ABCG5: variants seen among roughly 807,000 people sequenced by gnomAD.
ABCG5 encodes the protein ATP binding cassette subfamily G member 5, also known as ATP-binding cassette sub-family G member 5.
Under a neutral mutation model 64.5 loss-of-function variants are expected in ABCG5, and 64 were observed. That is an observed-to-expected ratio of 0.99 (90% CI 0.81 to 1.22). The LOEUF is 1.22. Ranked by LOEUF, ABCG5 falls within the 50% of genes most tolerant of loss-of-function variation. The pLI is 0.00. For missense variants in ABCG5, 908 were observed against 829.5 expected (o/e 1.09, Z -1.16); for synonymous variants, 385 against 326.3 (o/e 1.18, Z -1.94).
At chr2:43,833,439 G>A (rs1415311896) in intron 2 of ABCG5, among the ~76,000 whole-genome samples, 1 of 151,444 alleles carries the variant, frequency 6.6e-6, no homozygotes, top group Non-Finnish European at 1.5e-5. Context: ...CTGGAGTGCA[G>A]TGGCGCAGTC....
downstream of ABCG5, chr2:43,809,890 C>G: frequency 7.0e-7 from 1 of 1,433,506 alleles, no homozygotes; most frequent in South Asian, 1.6e-5. Context: ...AAAGGACAAG[C>G]TGGATTTCTT....
chr2:43,813,781 G>A (rs996333135), intron 12 of ABCG5, among the ~76,000 whole-genome samples: 4 of 129,680 alleles, frequency 3.1e-5, no homozygotes, highest in African/African-American at 5.9e-5. Flanking sequence ...GCAGTGGCTC[G>A]ATCTGGGCTC....
chr2:43,810,257 C>G (rs116520905), downstream of ABCG5: 33,723 of 668,296 alleles, frequency 0.05, 944 homozygotes, highest in Non-Finnish European at 0.057. Context: ...GATGCACATT[C>G]CCAGGTCCCC....
At chr2:43,820,130 C>G (rs745414803) in intron 10 of ABCG5, 30 bp from the exon 11 acceptor site, 1 of 1,603,404 alleles carries the variant, frequency 6.2e-7, no homozygotes, top group South Asian at 1.1e-5. Context: ...TTAGTTTCCT[C>G]TCCAAGGGCT....
chr2:43,824,409 G>A lies in ABCG5; in HGVS notation c.928C>T (p.Gln310Ter). The A allele has an allele frequency of 6.2e-7, 1 of 1,613,978 alleles. No individual in the cohort carries two copies. Residue 310 changes from glutamine to a stop codon, truncating the protein, a stop_gained, in exon 8 of 13, where the codon CAA (glutamine) becomes TAA (stop). Transcript: ENST00000405322. LOFTEE classifies it high-confidence loss of function. ...FYMDLTSVDT[Q>*]SKEREIETSK... ...GTTTCTATTTCCCGTTCCTTGCTTT[G>A]GGTATCCACTGACGTCAGGTCCACT...
chr2:43,817,472 G>A (rs1182732401), intron 11 of ABCG5, among the ~76,000 whole-genome samples: 1 of 151,810 alleles, frequency 6.6e-6, no homozygotes. Flanking sequence ...GTGACAGAGT[G>A]AGTGAGACTC....
At chr2:43,837,346 C>G (rs1035249081) in intron 2 of ABCG5, among the ~76,000 whole-genome samples, 1 of 152,070 alleles carries the variant, frequency 6.6e-6, no homozygotes, top group African/African-American at 2.4e-5. Context: ...CTCTCGAACT[C>G]CTGGGCTCAA....
rs886056030 is a variant in ABCG5 at position 43,828,047 on chromosome 2, C to T, written c.570G>A (p.Leu190=). ...GCCGCTCACCCGTGGAAATGCCCCC[C>T]AAGCTGTAGTTGCCAATCAGTCGGT... ...VADRLIGNYS[L]GGISTGERRR... is the part of the protein sequence containing the mutation. The change falls in exon 5 of 13, where the codon TTG becomes TTA. Residue 190 remains leucine (L), a synonymous_variant. Coordinates refer to ENST00000405322, the MANE Select transcript of ABCG5 (RefSeq NM_022436.3). 9.3e-6 allele frequency: 15 copies of T among 1,614,040 alleles called. No individual in the cohort carries two copies. Among genetic ancestry groups the T allele is most frequent in the South Asian group, 3.3e-5 (3 of 91,080 alleles).
rs752136409 is a variant in ABCG5 at position 43,822,797 on chromosome 2, C to T, written c.1463G>A (p.Trp488Ter). 2 of 1,614,044 alleles carry T rather than the reference C, an allele frequency of 1.2e-6. No individual in the cohort carries two copies. The highest frequency in any genetic ancestry group is 1.1e-5 in the South Asian group (1 of 91,088). The stretch of plus-strand genomic sequence containing the variant: ...CTGGGTGAACTGAACAACCCCTCAC[C>T]AGTAGCACACACTGCTGAAAATCAT... The part of the protein sequence containing the change: ...ATMIFSSVCY[W>*]TLGLHPEVAR... The change falls in exon 10 of 13, where the codon TGG (tryptophan) becomes TAG (stop). Residue 488 changes from tryptophan (W) to a stop codon, truncating the protein, a stop_gained and splice_region_variant. Transcript: ENST00000405322. LOFTEE classifies it high-confidence loss of function.
At chr2:43,807,743 CAAAAAAAAA>C (rs536977133), downstream of ABCG5, among the ~76,000 whole-genome samples, 6 of 41,632 alleles carry the variant, frequency 1.4e-4, no homozygotes, top group East Asian at 1.3e-3. Flanking sequence ...TTTGTTAAAG[CAAAAAAAAA>C]AAAAAAAAAA....
At chr2:43,827,127 C>A (rs139146837) in intron 5 of ABCG5, among the ~76,000 whole-genome samples, 2 of 152,096 alleles carry the variant, frequency 1.3e-5, no homozygotes, top group Admixed American at 1.3e-4. Flanking sequence ...GAGTTCGAGA[C>A]CACCCTGGCC....
At chr2:43,831,923 CA>C in intron 3 of ABCG5, 23 bp downstream of exon 3, 1 of 1,547,742 alleles carries the variant, frequency 6.5e-7, no homozygotes, top group Non-Finnish European at 8.7e-7. Flanking sequence ...GCGGGGGGGC[CA>C]GGGGTGTGGG....
chr2:43,819,936 A>G lies in ABCG5; in HGVS notation c.1628T>C (p.Leu543Pro), dbSNP rs199862542. ...VVALLSIAGVLVGSGFLRNIQ... is the reference protein window; with the variant it reads ...VVALLSIAGVPVGSGFLRNIQ... ...TTACCTGAGGAATCCAGATCCAACA[A>G]GCACCCCCGCAATGGACAGCAGAGC... Residue 543 changes from leucine (L) to proline (P), a missense_variant, in exon 11 of 13, where the codon CTT (leucine) becomes CCT (proline). Physicochemically the swap from Leu to Pro is moderately conservative, Grantham distance 98. Transcript: ENST00000405322. The G allele has an allele frequency of 2.0e-5, 33 of 1,614,206 alleles. No individual in the cohort carries two copies. Among genetic ancestry groups the G allele is most frequent in the Non-Finnish European group, 2.8e-5 (33 of 1,180,044 alleles).
At position 43,836,681 on chromosome 2, in the gene ABCG5, G is replaced by A. The variant is rs542073785; in HGVS notation, c.265+1153C>T. ...GTCTCACCAAAGGCTAGACTCTCTG[G>A]GGCAATGACTGGCTGATGCAGGGGC... On this transcript the variant is annotated intron_variant, in intron 2 of 12. Transcript: ENST00000405322. Among the ~76,000 whole-genome samples, 3 of 152,136 alleles carry A rather than the reference G, an allele frequency of 2.0e-5. No homozygotes were observed. In the East Asian group the frequency reaches 5.8e-4, roughly 29 times the overall value.
At chr2:43,823,605 G>T (rs1199464385) in intron 9 of ABCG5, among the ~76,000 whole-genome samples, 1 of 152,182 alleles carries the variant, frequency 6.6e-6, no homozygotes, top group Non-Finnish European at 1.5e-5. Flanking sequence ...CATGGGCTGT[G>T]CATCTGAGAT....
chr2:43,831,080 G>T lies in ABCG5; in HGVS notation c.501+689C>A, dbSNP rs145228276. Reference sequence around the variant, plus strand: ...AATTTTAGTAGCCAAATTTTGAAAAGTAAAAAGAAACAGGTGAAATTAATT... The same window carrying T: ...AATTTTAGTAGCCAAATTTTGAAAATTAAAAAGAAACAGGTGAAATTAATT... On this transcript the variant is annotated intron_variant, in intron 4 of 12. Coordinates refer to ENST00000405322, the MANE Select transcript of ABCG5 (RefSeq NM_022436.3). Among the ~76,000 whole-genome samples, 456 of 152,292 alleles carry T rather than the reference G, an allele frequency of 3.0e-3. 3 individuals are homozygous for T. Among genetic ancestry groups the T allele is most frequent in the African/African-American group, 0.01 (434 of 41,566 alleles).
At chr2:43,827,054 G>A (rs146248963) in intron 5 of ABCG5, among the ~76,000 whole-genome samples, 1,836 of 152,304 alleles carry the variant, frequency 0.012, 28 homozygotes, top group African/African-American at 0.042. Flanking sequence ...GCCGGGCGCG[G>A]TGGCTCACGC....
chr2:43,819,200 A>T (rs1667033114), intron 11 of ABCG5, among the ~76,000 whole-genome samples: 1 of 152,104 alleles, frequency 6.6e-6, no homozygotes. Flanking sequence ...TACTTACTAG[A>T]TCCCACTCAC....
intron 6 of ABCG5, 117 bp from the exon 7 acceptor site, chr2:43,825,135 C>T: frequency 7.8e-7 from 1 of 1,280,700 alleles, no homozygotes; most frequent in Non-Finnish European, 1.1e-6. Context: ...TCACCAAGTC[C>T]TTATGGGAAA....
Sources: gnomAD v4.1 joint callset for allele counts (sites outside exome capture counted in the v4.1 genomes callset) on GRCh38, gnomAD v4.1.1 for gene constraint, MANE v1.5 for transcripts, NCBI Gene and HGNC (gene_info 2026-07-23, HGNC 2026-07-21) for gene names.